NHERF4: variants seen among roughly 807,000 people sequenced by gnomAD.
The protein encoded by NHERF4 is NHERF family PDZ scaffold protein 4, also known as Na(+)/H(+) exchange regulatory cofactor NHE-RF4.
At chr11:119,187,697 G>GA in the NHERF4 span, 1 of 1,506,380 alleles carries the variant, frequency 6.6e-7, no homozygotes, top group Non-Finnish European at 8.9e-7. Context: ...AACTCACCAG[G>GA]AAGGTGTGAC....
chr11:119,186,118 G>C, the NHERF4 span: 1 of 1,613,598 alleles, frequency 6.2e-7, no homozygotes, highest in Non-Finnish European at 8.5e-7. The surrounding 1 kb of genome is among the most constrained non-coding windows in gnomAD (Gnocchi z 4.4). Flanking sequence ...CCAAAGCTGG[G>C]CATTGATAAT....
the NHERF4 span, chr11:119,189,946 T>C: frequency 3.0e-6 from 1 of 338,352 alleles, no homozygotes; most frequent in Non-Finnish European, 5.4e-6. This position sits in a 1 kb window ranked among gnomAD's most constrained non-coding sequence, Gnocchi z 5.8. Context: ...CCATTCGCCA[T>C]AAATCTGACT....
At chr11:119,189,774 G>A in the NHERF4 span, 5 of 531,124 alleles carry the variant, frequency 9.4e-6, no homozygotes, top group Non-Finnish European at 1.7e-5. This position sits in a 1 kb window ranked among gnomAD's most constrained non-coding sequence, Gnocchi z 5.8. Flanking sequence ...GTGGCTGTGG[G>A]TCTGGCTAGG....
the NHERF4 span, chr11:119,186,252 A>G: frequency 6.2e-7 from 1 of 1,613,424 alleles, no homozygotes. The surrounding 1 kb of genome is among the most constrained non-coding windows in gnomAD (Gnocchi z 4.4). Flanking sequence ...GTAACCACTC[A>G]CTCGGTCTCC....
chr11:119,188,830 G>A, the NHERF4 span: 1 of 1,614,216 alleles, frequency 6.2e-7, no homozygotes, highest in South Asian at 1.1e-5. Context: ...TTCCGACTCA[G>A]TTGTGTGGCC....
chr11:119,187,765 C>T, the NHERF4 span: 1 of 1,463,960 alleles, frequency 6.8e-7, no homozygotes, highest in Admixed American at 2.8e-5. Flanking sequence ...CGGGAAGACG[C>T]CTCCTTCCCC....
the NHERF4 span, chr11:119,188,869 T>A: frequency 6.2e-7 from 1 of 1,613,672 alleles, no homozygotes; most frequent in Non-Finnish European, 8.5e-7. Flanking sequence ...ATCTCCCAGG[T>A]GACTGATGCC....
the NHERF4 span, chr11:119,190,155 AAAC>A: frequency 2.3e-5 from 19 of 827,906 alleles, no homozygotes; most frequent in East Asian, 1.4e-4. The surrounding 1 kb of genome is among the most constrained non-coding windows in gnomAD (Gnocchi z 4.2). Context: ...TCCTAAAAAT[AAAC>A]AACAACAAAA....
chr11:119,185,608 G>A, the NHERF4 span: 13 of 1,220,590 alleles, frequency 1.1e-5, no homozygotes, highest in South Asian at 1.3e-4. Context: ...CTTGATTTTG[G>A]GGCTTGGAGC....
chr11:119,188,268 TC>T, the NHERF4 span: 1 of 1,579,726 alleles, frequency 6.3e-7, no homozygotes, highest in African/African-American at 1.3e-5. Flanking sequence ...GGCCGCCTCT[TC>T]CCGTTCACTC....
At chr11:119,187,885 T>C in the NHERF4 span, 43 of 1,486,372 alleles carry the variant, frequency 2.9e-5, no homozygotes, top group Non-Finnish European at 3.9e-5. Context: ...GGGGGGAGCA[T>C]ACCTCTTCTC....
At chr11:119,186,746 T>C in the NHERF4 span, 1 of 1,493,536 alleles carries the variant, frequency 6.7e-7, no homozygotes, top group Non-Finnish European at 9.0e-7. The surrounding 1 kb of genome is among the most constrained non-coding windows in gnomAD (Gnocchi z 4.4). Context: ...AGCGGGTTGC[T>C]CAGTCCCCTG....
chr11:119,187,325 G>C, the NHERF4 span: 1 of 1,612,966 alleles, frequency 6.2e-7, no homozygotes, highest in Admixed American at 1.7e-5. Context: ...GTATTGGCAC[G>C]GCATGCACAT....
At chr11:119,186,835 A>G in the NHERF4 span, 1 of 863,714 alleles carries the variant, frequency 1.2e-6, no homozygotes, top group South Asian at 1.9e-5. The surrounding 1 kb of genome is among the most constrained non-coding windows in gnomAD (Gnocchi z 4.4). Flanking sequence ...GGGGTAGGGA[A>G]AGCATCTAGA....
chr11:119,186,688 G>A, the NHERF4 span: 11 of 1,599,828 alleles, frequency 6.9e-6, no homozygotes, highest in East Asian at 2.2e-4. The surrounding 1 kb of genome is among the most constrained non-coding windows in gnomAD (Gnocchi z 4.4). Context: ...AGACTATGCG[G>A]TGGTAAGGCT....
the NHERF4 span, chr11:119,188,535 A>G: frequency 6.3e-7 from 1 of 1,598,786 alleles, no homozygotes; most frequent in African/African-American, 1.3e-5. Context: ...CCTGAGGCGG[A>G]CCGCTTCTTC....
At chr11:119,187,945 G>C in the NHERF4 span, 12 of 1,561,738 alleles carry the variant, frequency 7.7e-6, no homozygotes, top group Non-Finnish European at 1.0e-5. Context: ...CACAGCTTTG[G>C]CAGAGTGGAC....
the NHERF4 span, chr11:119,189,357 G>C: frequency 6.6e-7 from 1 of 1,519,546 alleles, no homozygotes; most frequent in East Asian, 2.3e-5. The surrounding 1 kb of genome is among the most constrained non-coding windows in gnomAD (Gnocchi z 5.8). Flanking sequence ...AGAAGGACTC[G>C]TGAAATAAAC....
chr11:119,189,172 C>T, the NHERF4 span: 1 of 1,612,404 alleles, frequency 6.2e-7, no homozygotes, highest in Non-Finnish European at 8.5e-7. This position sits in a 1 kb window ranked among gnomAD's most constrained non-coding sequence, Gnocchi z 5.8. Flanking sequence ...CTCTGCGGGG[C>T]TTGGAAGCCT....
Sources: gnomAD v4.1 joint callset for allele counts on GRCh38, gnomAD v4.1.1 for gene constraint, Gnocchi (gnomAD v3.1) non-coding constraint, MANE v1.5 for transcripts, NCBI Gene and HGNC (gene_info 2026-07-23, HGNC 2026-07-21) for gene names.